The following ARHGAP32 variants were observed in gnomAD, a reference collection of about 807,000 sequenced individuals.
The protein encoded by ARHGAP32 is rho GTPase-activating protein 32.
Under a neutral mutation model 186.5 loss-of-function variants are expected in ARHGAP32, and 51 were observed. That is an observed-to-expected ratio of 0.27 (90% CI 0.22 to 0.35). ARHGAP32 has a LOEUF of 0.35. Among genes scored for constraint, ARHGAP32 ranks in the 10% least tolerant of loss-of-function variants. The pLI is 1.00. For synonymous variants in ARHGAP32, 950 were observed against 964.3 expected, an observed-to-expected ratio of 0.99 and a Z score of 0.27; for missense variants, 2,186 against 2,623.5, an observed-to-expected ratio of 0.83 and a Z score of 3.64.
In ARHGAP32 at chr11:128,968,678, C is replaced by T. The variant is rs906563286; in HGVS notation, c.*229G>A. 2.2e-5 allele frequency: 8 copies of T among 368,810 alleles called. No homozygotes were observed. Among genetic ancestry groups the T allele is most frequent in the African/African-American group, 1.7e-4 (8 of 47,854 alleles). The allele number at this position is 368,810 out of a possible 1,614,324, so 22.8% of individuals were successfully genotyped here. On this transcript the variant is annotated 3_prime_UTR_variant, in exon 23 of 23. Coordinates refer to ENST00000682385, the MANE Select transcript of ARHGAP32 (RefSeq NM_001378024.1). ...TACTGGGTTTCAGCACGGGGCTTTACCATCCTTCAGATCTTTTCTAAAGAC... is the reference window on the plus strand; with the variant it reads ...TACTGGGTTTCAGCACGGGGCTTTATCATCCTTCAGATCTTTTCTAAAGAC...
chr11:128,972,497 G>T lies in ARHGAP32; in HGVS notation c.4009C>A (p.Gln1337Lys). The T allele has an allele frequency of 2.0e-6, 3 of 1,531,120 alleles. No individual in the cohort carries two copies. The highest frequency in any genetic ancestry group is 2.6e-6 in the Non-Finnish European group (3 of 1,140,234). The allele number at this position is 1,531,120 out of a possible 1,614,324, so 94.8% of individuals were successfully genotyped here. ...CCTATATTGGTTGCTGCTTGTACCT[G>T]CCCCACAACTGGTGGCTGCTCTGCA... ...RSAEQPPVVGQVQAATNIGLN... is the reference protein window; with the variant it reads ...RSAEQPPVVGKVQAATNIGLN... Residue 1337 changes from glutamine (Q) to lysine (K), a missense_variant, in exon 22 of 23, where the codon CAG becomes AAG. Gln to Lys is a moderately conservative substitution (Grantham distance 53, BLOSUM62 1). Around this residue, in one of 5 missense-constraint regions of ARHGAP32, gnomAD observed 1,502 missense variants for 1,570.0 expected, o/e 0.96. Coordinates refer to ENST00000682385, the MANE Select transcript of ARHGAP32 (RefSeq NM_001378024.1).
At chr11:129,104,377 G>C (rs1289615770) in intron 5 of ARHGAP32, among the ~76,000 whole-genome samples, 1 of 151,958 alleles carries the variant, frequency 6.6e-6, no homozygotes, top group Non-Finnish European at 1.5e-5. Flanking sequence ...AGTGATCACA[G>C]TTAAAATATT....
At chr11:129,000,255 G>C (rs1053880242) in intron 11 of ARHGAP32, among the ~76,000 whole-genome samples, 1 of 152,010 alleles carries the variant, frequency 6.6e-6, no homozygotes, top group South Asian at 2.1e-4. Context: ...TAATTCCACC[G>C]ACTGATACAT....
At chr11:128,986,774 T>G in intron 13 of ARHGAP32, 106 bp from the exon 14 acceptor site, 1 of 1,021,792 alleles carries the variant, frequency 9.8e-7, no homozygotes, top group Non-Finnish European at 1.4e-6. Flanking sequence ...TCTATCTCAG[T>G]GAGTTGCTAT....
chr11:129,000,139 C>T (rs1254028161), intron 11 of ARHGAP32, among the ~76,000 whole-genome samples: 2 of 152,144 alleles, frequency 1.3e-5, no homozygotes, highest in South Asian at 2.1e-4. Flanking sequence ...CACACCCACA[C>T]AAGCATCAGA....
chr11:129,261,784 A>C (rs1324403154), intron 1 of ARHGAP32, among the ~76,000 whole-genome samples: 1 of 152,374 alleles, frequency 6.6e-6, no homozygotes, highest in East Asian at 1.9e-4. Context: ...TGACTTAAAC[A>C]TCTCAGTAAA....
intron 2 of ARHGAP32, among the ~76,000 whole-genome samples, chr11:129,137,834 A>T (rs1288279167): frequency 6.6e-6 from 1 of 152,068 alleles, no homozygotes; most frequent in Non-Finnish European, 1.5e-5. Flanking sequence ...GTTTTATGAT[A>T]CACGTGTGTA....
intron 1 of ARHGAP32, among the ~76,000 whole-genome samples, chr11:129,273,230 A>G (rs1453191177): frequency 6.6e-6 from 1 of 152,198 alleles, no homozygotes; most frequent in Non-Finnish European, 1.5e-5. Flanking sequence ...CAAAGACTCA[A>G]TGACACCTTC....
chr11:128,998,527 C>T (rs1250939617), intron 11 of ARHGAP32, 59 bp from the exon 12 acceptor site: 2 of 1,341,062 alleles, frequency 1.5e-6, no homozygotes, highest in Non-Finnish European at 2.0e-6. Context: ...TTTTACTTAG[C>T]ATAAAAACAA....
At position 129,224,743 on chromosome 11, in the gene ARHGAP32, G is replaced by C. The variant is rs150520890; in HGVS notation, c.-5+54403C>G. Among the ~76,000 whole-genome samples the C allele has an allele frequency of 5.8e-3, 723 of 125,298 alleles. 5 individuals are homozygous for C. The highest frequency in any genetic ancestry group is 0.021 in the African/African-American group (691 of 32,428). 82.2% of individuals were successfully genotyped at this position (125,298 alleles called of 152,430 possible). A position where few individuals can be genotyped will look rare whatever the true frequency, so the allele number is the denominator to read the frequency against. ...CACGCTACTTGGACTGTCTTTATTTGACCTGACTCACAGCTTGGCTAGAGC... is the reference window on the plus strand; with the variant it reads ...CACGCTACTTGGACTGTCTTTATTTCACCTGACTCACAGCTTGGCTAGAGC... On this transcript the variant is annotated intron_variant, in intron 1 of 6. Transcript: ENST00000525234.
intron 1 of ARHGAP32, among the ~76,000 whole-genome samples, chr11:129,201,818 A>T (rs1164197657): frequency 6.6e-6 from 1 of 151,980 alleles, no homozygotes; most frequent in Non-Finnish European, 1.5e-5. Flanking sequence ...CCATCTCTAT[A>T]AAAAAACTTT....
intron 1 of ARHGAP32, among the ~76,000 whole-genome samples, chr11:129,270,594 T>C (rs2135726307): frequency 6.6e-6 from 1 of 151,676 alleles, no homozygotes; most frequent in East Asian, 1.9e-4. Flanking sequence ...TGTAGGCTCA[T>C]CAACTGTAAC....
chr11:129,198,225 T>C (rs1338126095), intron 1 of ARHGAP32, among the ~76,000 whole-genome samples: 1 of 152,186 alleles, frequency 6.6e-6, no homozygotes, highest in Non-Finnish European at 1.5e-5. Flanking sequence ...CAAGGATATA[T>C]GAATAAAAAT....
chr11:128,972,730 A>C lies in ARHGAP32; in HGVS notation c.3776T>G (p.Ile1259Ser). 2 of 1,613,900 alleles carry C rather than the reference A, an allele frequency of 1.2e-6. No homozygotes were observed. The highest frequency in any genetic ancestry group is 8.5e-7 in the Non-Finnish European group (1 of 1,179,994). ...PTPPNLPSDK[I>S]YPPSGSPEEN... is the part of the protein sequence containing the mutation. Reference sequence around the variant, plus strand: ...TTCGGGGGACCCAGAAGGAGGGTAGATTTTATCGCTAGGTAAATTAGGAGG... The same window carrying C: ...TTCGGGGGACCCAGAAGGAGGGTAGCTTTTATCGCTAGGTAAATTAGGAGG... The change falls in exon 22 of 23, where the codon ATC (isoleucine) becomes AGC (serine). Residue 1259 changes from isoleucine to serine, a missense_variant. Physicochemically the swap from Ile to Ser is moderately radical, Grantham distance 142. Around this residue, in one of 5 missense-constraint regions of ARHGAP32, gnomAD observed 1,502 missense variants for 1,570.0 expected, o/e 0.96. Transcript: ENST00000682385.
chr11:129,049,997 C>T (rs1939974944), intron 10 of ARHGAP32, among the ~76,000 whole-genome samples: 2 of 152,178 alleles, frequency 1.3e-5, no homozygotes, highest in African/African-American at 4.8e-5. Context: ...TTATTTATAT[C>T]AACTAGCCAA....
chr11:129,221,350 G>C (rs570804700), intron 1 of ARHGAP32, among the ~76,000 whole-genome samples: 21 of 152,054 alleles, frequency 1.4e-4, no homozygotes, highest in African/African-American at 5.1e-4. Flanking sequence ...TAATGAATAA[G>C]AACAAATTTA....
At chr11:129,170,426 C>A (rs1476440519) in intron 1 of ARHGAP32, among the ~76,000 whole-genome samples, 1 of 152,074 alleles carries the variant, frequency 6.6e-6, no homozygotes, top group Non-Finnish European at 1.5e-5. Flanking sequence ...TGACAACATG[C>A]AGTGTTTGGT....
chr11:129,066,871 A>G lies in ARHGAP32; in HGVS notation c.532-3T>C, dbSNP rs767439566. On this transcript the variant is annotated splice_polypyrimidine_tract_variant and splice_region_variant and intron_variant, in intron 6 of 22. Coordinates refer to ENST00000682385, the MANE Select transcript of ARHGAP32 (RefSeq NM_001378024.1). ...CTTTTAACAATCCAACTTTTTCCCTATTGGTAGAAAAAAGAAACTCATATA... is the reference window on the plus strand; with the variant it reads ...CTTTTAACAATCCAACTTTTTCCCTGTTGGTAGAAAAAAGAAACTCATATA... 1.3e-6 allele frequency: 2 copies of G among 1,595,374 alleles called. No individual in the cohort carries two copies. The highest frequency in any genetic ancestry group is 2.3e-5 in the South Asian group (2 of 88,678).
At chr11:129,168,495 T>C (rs185751966) in intron 1 of ARHGAP32, among the ~76,000 whole-genome samples, 2 of 152,230 alleles carry the variant, frequency 1.3e-5, no homozygotes, top group East Asian at 3.9e-4. Flanking sequence ...GTAAACAAAA[T>C]TTGTATGCAA....
Sources: gnomAD v4.1 joint callset for allele counts (sites outside exome capture counted in the v4.1 genomes callset) on GRCh38, gnomAD v4.1.1 for gene constraint, gnomAD v4.1.1 regional missense constraint, MANE v1.5 for transcripts, NCBI Gene and HGNC (gene_info 2026-07-23, HGNC 2026-07-21) for gene names.